Variants in KANSL1L observed in about 807,000 individuals in gnomAD.
The protein encoded by KANSL1L is KAT8 regulatory NSL complex subunit 1 like.
KANSL1L carries 25 observed loss-of-function variants against 108.6 expected under a neutral mutation model. The ratio of observed to expected loss-of-function variants is 0.23; its 90% CI spans 0.17 to 0.32. The LOEUF is 0.32. Among genes scored for constraint, KANSL1L ranks in the 10% least tolerant of loss-of-function variants. The pLI, the probability that KANSL1L is intolerant of heterozygous loss-of-function variation, is 1.00. For synonymous variants in KANSL1L, 405 were observed against 395.1 expected, an observed-to-expected ratio of 1.03 and a Z score of -0.30; for missense variants, 1,137 against 1,125.7, an observed-to-expected ratio of 1.01 and a Z score of -0.14.
intron 3 of KANSL1L, among the ~76,000 whole-genome samples, chr2:210,111,300 C>T (rs1159264305): frequency 1.3e-5 from 2 of 151,918 alleles, no homozygotes; most frequent in East Asian, 1.9e-4. Flanking sequence ...TGGAATACTG[C>T]TCAACAATAA....
intron 5 of KANSL1L, among the ~76,000 whole-genome samples, chr2:210,085,747 CAT>C (rs2094631423): frequency 6.6e-6 from 1 of 151,350 alleles, no homozygotes; most frequent in Admixed American, 6.6e-5. Context: ...AGCATGTTTC[CAT>C]ATGATTATAT....
At chr2:210,068,327 C>T (rs554202945) in intron 6 of KANSL1L, among the ~76,000 whole-genome samples, 43 of 151,806 alleles carry the variant, frequency 2.8e-4, no homozygotes, top group African/African-American at 1.0e-3. Context: ...AAAATATATA[C>T]ATATATTCAG....
intron 5 of KANSL1L, among the ~76,000 whole-genome samples, chr2:210,086,346 T>G (rs888800403): frequency 2.0e-4 from 31 of 152,226 alleles, no homozygotes; most frequent in African/African-American, 7.2e-4. Flanking sequence ...ACATTTTATC[T>G]TCATTTTAGA....
chr2:210,113,032 A>G (rs1481300730), intron 3 of KANSL1L, among the ~76,000 whole-genome samples: 1 of 152,166 alleles, frequency 6.6e-6, no homozygotes, highest in African/African-American at 2.4e-5. Flanking sequence ...AGGGTAGGGG[A>G]AAAGGACCCT....
intron 6 of KANSL1L, among the ~76,000 whole-genome samples, chr2:210,062,750 A>C (rs1056139506): frequency 5.3e-5 from 8 of 152,178 alleles, no homozygotes; most frequent in African/African-American, 1.9e-4. Flanking sequence ...CTGGTGGAAG[A>C]AATTTCTAAG....
intron 6 of KANSL1L, among the ~76,000 whole-genome samples, chr2:210,053,921 G>A (rs534518255): frequency 6.6e-6 from 1 of 152,066 alleles, no homozygotes; most frequent in Non-Finnish European, 1.5e-5. Flanking sequence ...ACAGAAAAAT[G>A]GGCAAAGGAT....
chr2:210,103,987 G>A, intron 4 of KANSL1L, 117 bp downstream of exon 4: 4 of 714,628 alleles, frequency 5.6e-6, no homozygotes, highest in South Asian at 1.9e-5. Flanking sequence ...ATGCCAGATG[G>A]CCTAGTTTAA....
intron 7 of KANSL1L, among the ~76,000 whole-genome samples, chr2:210,042,084 A>G (rs1325058062): frequency 2.0e-5 from 3 of 152,210 alleles, no homozygotes; most frequent in East Asian, 1.9e-4. Context: ...AGTATCACCA[A>G]TTCTACCACT....
At chr2:210,152,321 TAAATA>T (rs1321656534) in intron 2 of KANSL1L, 2 of 152,240 alleles carry the variant, frequency 1.3e-5, no homozygotes, top group Non-Finnish European at 2.9e-5. Context: ...TTTAGTCAAT[TAAATA>T]AAATTAAAAT....
At chr2:210,132,354 T>C (rs2095129589) in intron 2 of KANSL1L, among the ~76,000 whole-genome samples, 2 of 152,050 alleles carry the variant, frequency 1.3e-5, no homozygotes, top group Admixed American at 1.3e-4. Context: ...TGCCACTGAC[T>C]CCCTGAATCT....
At chr2:210,054,350 G>T (rs1575429741) in intron 6 of KANSL1L, among the ~76,000 whole-genome samples, 1 of 149,882 alleles carries the variant, frequency 6.7e-6, no homozygotes, top group Non-Finnish European at 1.5e-5. Flanking sequence ...ATGGTAACTA[G>T]ACTATAACAC....
chr2:210,026,911 C>T (rs2093945798), intron 12 of KANSL1L, among the ~76,000 whole-genome samples: 1 of 152,172 alleles, frequency 6.6e-6, no homozygotes, highest in African/African-American at 2.4e-5. Flanking sequence ...GCTGGGACTA[C>T]AGGTGCCCAC....
chr2:210,063,044 G>C (rs2094435084), intron 6 of KANSL1L, among the ~76,000 whole-genome samples: 1 of 152,150 alleles, frequency 6.6e-6, no homozygotes, highest in South Asian at 2.1e-4. Context: ...GATTTTGTGG[G>C]CTGGGCCCAG....
chr2:210,154,628 A>G lies in KANSL1L; in HGVS notation c.-29-17T>C, dbSNP rs904070732. On this transcript the variant is annotated splice_polypyrimidine_tract_variant and intron_variant, in intron 1 of 14. Coordinates refer to ENST00000281772, the MANE Select transcript of KANSL1L (RefSeq NM_152519.4). ...ATTGGAAACCTACAATAATGTAAAAATAAATGGTCAAATATCTAGAAAAAA... is the reference window on the plus strand; with the variant it reads ...ATTGGAAACCTACAATAATGTAAAAGTAAATGGTCAAATATCTAGAAAAAA... 2.2e-6 allele frequency: 3 copies of G among 1,376,366 alleles called. No individual in the cohort carries two copies. The African/African-American group carries it at 4.4e-5, about 20-fold the overall frequency. The allele number at this position is 1,376,366 out of a possible 1,614,324, so 85.3% of individuals were successfully genotyped here.
At chr2:210,157,053 A>G (rs1406995545) in intron 1 of KANSL1L, among the ~76,000 whole-genome samples, 2 of 152,134 alleles carry the variant, frequency 1.3e-5, no homozygotes, top group African/African-American at 4.8e-5. Flanking sequence ...TAGAAAAACA[A>G]TTCTAAAACA....
chr2:210,023,245 T>G, intron 14 of KANSL1L, 66 bp from the exon 15 acceptor site: 1 of 1,076,604 alleles, frequency 9.3e-7, no homozygotes, highest in Non-Finnish European at 1.4e-6. Context: ...ATCTAACAAG[T>G]AATCTGTACA....
Position 210,075,570 on chromosome 2 carries a change from AG to A in KANSL1L, c.1736del (p.Thr579IlefsTer17). On this transcript the variant is annotated frameshift_variant, in exon 6 of 15. Coordinates refer to ENST00000281772, the MANE Select transcript of KANSL1L (RefSeq NM_152519.4). LOFTEE classifies it high-confidence loss of function. ...GCCTTACCTGTGGAGTCCAATAAAA[AG>A]TAGGGCTCAATCTGTACAGTTTTCG... ...HKRKLYRLSP[T>X]FYWTPQTLPS... 2 of 1,613,632 alleles carry A rather than the reference AG, an allele frequency of 1.2e-6. No individual in the cohort carries two copies. Among genetic ancestry groups the A allele is most frequent in the Non-Finnish European group, 1.7e-6 (2 of 1,179,634 alleles).
At chr2:210,119,227 A>G (rs1380907078) in intron 3 of KANSL1L, among the ~76,000 whole-genome samples, 1 of 152,008 alleles carries the variant, frequency 6.6e-6, no homozygotes, top group Non-Finnish European at 1.5e-5. Context: ...CCCAGGACCC[A>G]ATGGCTTCAC....
At chr2:210,091,487 C>T (rs1195694336) in intron 5 of KANSL1L, among the ~76,000 whole-genome samples, 1 of 152,154 alleles carries the variant, frequency 6.6e-6, no homozygotes, top group Non-Finnish European at 1.5e-5. Context: ...TACTCTTCCA[C>T]TTTCCCATAA....
Sources: allele counts gnomAD v4.1 joint callset (sites outside exome capture counted in the v4.1 genomes callset), GRCh38; gene constraint gnomAD v4.1.1; transcripts MANE v1.5; gene names NCBI Gene and HGNC (gene_info 2026-07-23, HGNC 2026-07-21).